Variants in CRHR2 observed in about 807,000 individuals in gnomAD.
The protein encoded by CRHR2 is corticotropin-releasing hormone receptor 2.
A neutral mutation model predicts 57.9 loss-of-function variants in CRHR2; 53 were observed. The ratio of observed to expected loss-of-function variants is 0.92; its 90% CI spans 0.73 to 1.15. The LOEUF is 1.15. CRHR2 is among the 50% of genes most tolerant of loss of function. The probability of loss-of-function intolerance (pLI) is 0.00; values close to 1 mark genes in which losing one functional copy is unlikely to be tolerated. For missense variants in CRHR2, 532 were observed against 542.6 expected (o/e 0.98, Z 0.19); for synonymous variants, 213 against 220.9 (o/e 0.96, Z 0.32).
At chr7:30,687,889 C>T (rs1784886229) in intron 2 of CRHR2, among the ~76,000 whole-genome samples, 1 of 152,198 alleles carries the variant, frequency 6.6e-6, no homozygotes, top group South Asian at 2.1e-4. Context: ...GCTGGCATGG[C>T]CTGTGCTAGG....
intron 5 of CRHR2, among the ~76,000 whole-genome samples, chr7:30,663,573 C>A (rs549068248): frequency 2.6e-5 from 4 of 152,304 alleles, no homozygotes; most frequent in African/African-American, 9.6e-5. Flanking sequence ...GCCTTCCCAG[C>A]AGAGGGGAAT....
chr7:30,678,854 C>T (rs976426679), intron 2 of CRHR2, among the ~76,000 whole-genome samples: 5 of 152,166 alleles, frequency 3.3e-5, no homozygotes, highest in African/African-American at 7.2e-5. Context: ...TTACAGCCTG[C>T]GGTCTACCTG....
At chr7:30,680,070 C>G (rs922330773) in intron 2 of CRHR2, among the ~76,000 whole-genome samples, 8 of 152,228 alleles carry the variant, frequency 5.3e-5, no homozygotes, top group Admixed American at 6.5e-5. Context: ...TTATCAGCTT[C>G]TCATTAGACT....
intron 7 of CRHR2, 110 bp downstream of exon 7, chr7:30,662,046 A>G (rs1244258627): frequency 4.4e-6 from 5 of 1,123,654 alleles, no homozygotes; most frequent in Non-Finnish European, 6.6e-6. Flanking sequence ...GGATCTGTCT[A>G]GGTGTGGCTA....
At chr7:30,658,223 T>C (rs1279210272) in intron 8 of CRHR2, among the ~76,000 whole-genome samples, 3 of 152,258 alleles carry the variant, frequency 2.0e-5, no homozygotes, top group African/African-American at 7.2e-5. Flanking sequence ...TCTTGGACTC[T>C]ACCTCCCTGC....
rs755327068 is a variant in CRHR2 at position 30,665,685 on chromosome 7, G to A, written c.316-46C>T. 6 of 1,496,750 alleles carry A rather than the reference G, an allele frequency of 4.0e-6. No homozygotes were observed. The highest frequency in any genetic ancestry group is 5.5e-6 in the Non-Finnish European group (6 of 1,098,390). The allele number at this position is 1,496,750 out of a possible 1,614,324, so 92.7% of individuals were successfully genotyped here. On this transcript the variant is annotated intron_variant, in intron 3 of 11. Coordinates refer to ENST00000471646, the MANE Select transcript of CRHR2 (RefSeq NM_001883.5). This position sits in a 1 kb window ranked among gnomAD's most constrained non-coding sequence, Gnocchi z 4.5. ...AGGGCAGATGGAGGCATGGGCACGT[G>A]GGGGTGGGGCTGGGTATTCCAGCCG...
intron 5 of CRHR2, among the ~76,000 whole-genome samples, chr7:30,663,428 C>T (rs182828197): frequency 1.2e-4 from 18 of 152,296 alleles, no homozygotes; most frequent in African/African-American, 3.8e-4. Flanking sequence ...ACACGGCCCC[C>T]GGCAAGTCAC....
Position 30,665,095 on chromosome 7 carries a change from T to C in CRHR2, c.518A>G (p.Asp173Gly). The change falls in exon 5 of 12, where the codon GAC becomes GGC. Residue 173 changes from aspartate (D) to glycine (G), a missense_variant. Coordinates refer to ENST00000471646, the MANE Select transcript of CRHR2 (RefSeq NM_001883.5). This position sits in a 1 kb window ranked among gnomAD's most constrained non-coding sequence, Gnocchi z 4.5. The part of the protein sequence containing the change: ...NVMWFLLQLV[D>G]HEVHESNEVW... Reference sequence around the variant, plus strand: ...CTCATTGCTCTCGTGCACTTCATGGTCAACGAGCTGCAGCAGGAACCACAT... The same window carrying C: ...CTCATTGCTCTCGTGCACTTCATGGCCAACGAGCTGCAGCAGGAACCACAT... The C allele has an allele frequency of 6.2e-7, 1 of 1,613,968 alleles. No individual in the cohort carries two copies. The highest frequency in any genetic ancestry group is 2.2e-5 in the East Asian group (1 of 44,858).
upstream of CRHR2, among the ~76,000 whole-genome samples, chr7:30,687,080 A>AT (rs886786569): frequency 4.6e-5 from 7 of 151,568 alleles, no homozygotes; most frequent in Non-Finnish European, 7.4e-5. Context: ...TCTGGCTCAT[A>AT]TTTTTTTTCA....
intron 1 of CRHR2, among the ~76,000 whole-genome samples, chr7:30,689,958 G>A (rs62446897): frequency 0.081 from 12,378 of 152,212 alleles, 569 homozygotes; most frequent in Admixed American, 0.12. Context: ...GGACCATAGG[G>A]CCAGCTTAGG....
At position 30,653,415 on chromosome 7, in the gene CRHR2, A is replaced by T; in HGVS notation, c.*45T>A. 1.3e-6 allele frequency: 2 copies of T among 1,599,962 alleles called. No individual in the cohort carries two copies. The highest frequency in any genetic ancestry group is 1.7e-6 in the Non-Finnish European group (2 of 1,172,944). On this transcript the variant is annotated 3_prime_UTR_variant, in exon 12 of 12. Coordinates refer to ENST00000471646, the MANE Select transcript of CRHR2 (RefSeq NM_001883.5). The surrounding 1 kb of genome is among the most constrained non-coding windows in gnomAD (Gnocchi z 5.0). ...CCAGCACAGAGAACCCAGAGGAAGA[A>T]GGTGGAGGAGGACAGGGGAGCTGTG... is the stretch of plus-strand genomic sequence containing the variant.
chr7:30,686,470 T>C, upstream of CRHR2: 2 of 1,524,984 alleles, frequency 1.3e-6, no homozygotes, highest in Non-Finnish European at 1.8e-6. Flanking sequence ...CTGGCATATG[T>C]GTGTGTGTTG....
chr7:30,682,449 T>C lies in CRHR2; in HGVS notation c.-169A>G. On this transcript the variant is annotated 5_prime_UTR_variant, in exon 1 of 12. Coordinates refer to ENST00000471646, the MANE Select transcript of CRHR2 (RefSeq NM_001883.5). ...GGCGCCACCTCCGGTCGCCCAGAGC[T>C]GTCAAGTGGGGACCTTCCCGGAGAG... 4 of 1,346,650 alleles carry C rather than the reference T, an allele frequency of 3.0e-6. No homozygotes were observed. Among genetic ancestry groups the C allele is most frequent in the Non-Finnish European group, 3.8e-6 (4 of 1,055,838 alleles). The allele number at this position is 1,346,650 out of a possible 1,614,324, so 83.4% of individuals were successfully genotyped here.
chr7:30,662,837 C>A lies in CRHR2; in HGVS notation c.554G>T (p.Arg185Leu). Residue 185 changes from arginine to leucine, a missense_variant, in exon 6 of 12, where the codon CGC becomes CTC. Transcript: ENST00000471646. The part of the protein sequence containing the change: ...EVHESNEVWC[R>L]CITTIFNYFV... The stretch of plus-strand genomic sequence containing the variant: ...GTAGTTGAAGATGGTGGTGATGCAG[C>A]GGCACCAGACCTGTGTGCAGGGCAG... 6.2e-7 allele frequency: 1 copy of A among 1,614,028 alleles called. No homozygotes were observed. The highest frequency in any genetic ancestry group is 8.5e-7 in the Non-Finnish European group (1 of 1,179,928).
At chr7:30,689,269 G>A (rs895999320) in exon 2 of CRHR2, 54 of 1,550,264 alleles carry the variant, frequency 3.5e-5, no homozygotes, top group Non-Finnish European at 4.1e-5. Context: ...TTGGGCATCT[G>A]GCTCTGCCCG....
intron 1 of CRHR2, chr7:30,689,410 A>C: frequency 1.3e-6 from 1 of 798,316 alleles, no homozygotes; most frequent in East Asian, 2.7e-5. Flanking sequence ...GAGAACAAGG[A>C]GGGAGATGCC....
At chr7:30,694,106 AACTG>A (rs931054409) in intron 1 of CRHR2, among the ~76,000 whole-genome samples, 1 of 152,202 alleles carries the variant, frequency 6.6e-6, no homozygotes, top group Non-Finnish European at 1.5e-5. Context: ...AATGTTTGTC[AACTG>A]ACTGACTGCT....
rs1783791129 is a variant in CRHR2, at chr7:30,656,405, G to A, written c.832-393C>T. Among the ~76,000 whole-genome samples, 1 of 152,210 alleles carries A rather than the reference G, an allele frequency of 6.6e-6. No individual in the cohort carries two copies. The highest frequency in any genetic ancestry group is 2.4e-5 in the African/African-American group (1 of 41,450). On this transcript the variant is annotated intron_variant, in intron 8 of 11. Transcript: ENST00000471646. This position sits in a 1 kb window ranked among gnomAD's most constrained non-coding sequence, Gnocchi z 4.4. The stretch of plus-strand genomic sequence containing the variant: ...ACTTGTTGACTGCGGGGCTCTCTGA[G>A]TCCCTTGCACTGTCACTGGCTCTAG...
At position 30,681,865 on chromosome 7, in the gene CRHR2, C is replaced by G. The variant is rs750147980; in HGVS notation, c.229+50G>C. ...GAATCCTCTTTACTCCCTAAACCGC[C>G]TTCTCAGGAGGCCGGTGTAGAGCAG... On this transcript the variant is annotated intron_variant, in intron 2 of 11. Coordinates refer to ENST00000471646, the MANE Select transcript of CRHR2 (RefSeq NM_001883.5). 15 of 1,574,788 alleles carry G rather than the reference C, an allele frequency of 9.5e-6. No homozygotes were observed. The South Asian group carries it at 1.7e-4, about 18-fold the overall frequency.
Sources: gnomAD v4.1 joint callset for allele counts (sites outside exome capture counted in the v4.1 genomes callset) on GRCh38, gnomAD v4.1.1 for gene constraint, Gnocchi (gnomAD v3.1) non-coding constraint, MANE v1.5 for transcripts, NCBI Gene and HGNC (gene_info 2026-07-23, HGNC 2026-07-21) for gene names.